The following NEXMIF variants were observed in gnomAD, a reference collection of about 807,000 sequenced individuals.
NEXMIF encodes neurite extension and migration factor, also known as XLMR protein related to neurite extension.
In NEXMIF, 8 loss-of-function variants were observed where a neutral mutation model predicts 62.1. That is an observed-to-expected ratio of 0.13 (90% CI 0.08 to 0.23). The LOEUF (loss-of-function observed/expected upper bound fraction) is 0.23, where lower values mean the gene tolerates loss of function less well. Among genes scored for constraint, NEXMIF ranks in the 10% least tolerant of loss-of-function variants. NEXMIF has a pLI of 1.00. For missense variants in NEXMIF, 976 were observed against 1,113.3 expected, an observed-to-expected ratio of 0.88 and a Z score of 1.75; for synonymous variants, 404 against 416.6, an observed-to-expected ratio of 0.97 and a Z score of 0.37.
chrX:74,747,097 T>G (rs982506054), intron 1 of NEXMIF, among the ~76,000 whole-genome samples: 1 of 112,015 alleles, frequency 8.9e-6, no homozygotes, highest in Non-Finnish European at 1.9e-5. Flanking sequence ...GGAATCATAT[T>G]GCCATCATGG....
intron 1 of NEXMIF, among the ~76,000 whole-genome samples, chrX:74,818,132 T>C (rs2080382104): frequency 9.1e-6 from 1 of 110,270 alleles, no homozygotes; most frequent in East Asian, 2.8e-4. Context: ...AAAAAACTTA[T>C]AAAATTCAGA....
In NEXMIF at chrX:74,919,815, C is replaced by T. The variant is rs192192164; in HGVS notation, c.-48+5068G>A. ...AACAGTCCCCAGAGTGTGATGTTCCCCTTCCTGTGTCCATGTGTTCTCATT... is the reference window on the plus strand; with the variant it reads ...AACAGTCCCCAGAGTGTGATGTTCCTCTTCCTGTGTCCATGTGTTCTCATT... On this transcript the variant is annotated intron_variant, in intron 1 of 3. Coordinates refer to ENST00000055682, the MANE Select transcript of NEXMIF (RefSeq NM_001008537.3). Among the ~76,000 whole-genome samples the T allele has an allele frequency of 5.9e-3, 650 of 110,548 alleles. 3 individuals are homozygous for T. Among genetic ancestry groups the T allele is most frequent in the African/African-American group, 0.021 (623 of 30,347 alleles).
intron 1 of NEXMIF, among the ~76,000 whole-genome samples, chrX:74,773,782 G>A (rs1336024802): frequency 1.9e-5 from 2 of 107,023 alleles, no homozygotes; most frequent in African/African-American, 6.8e-5. Flanking sequence ...AGTGGCGGGC[G>A]CCTGTAATTC....
Position 74,816,952 on chromosome X carries a change from A to G in NEXMIF, c.-47-71255T>C, listed in dbSNP as rs756690213. ...CTTACATAGATTTCTTACACAATGC[A>G]TTTCAATACACTTGAAAGTCCAATT... is the stretch of plus-strand genomic sequence containing the variant. On this transcript the variant is annotated intron_variant, in intron 1 of 3. Transcript: ENST00000055682. Among the ~76,000 whole-genome samples the G allele has an allele frequency of 5.3e-5, 6 of 112,332 alleles. No homozygotes were observed. The South Asian group carries it at 2.2e-3, about 42-fold the overall frequency.
intron 1 of NEXMIF, among the ~76,000 whole-genome samples, chrX:74,759,959 G>C (rs1353753207): frequency 9.0e-6 from 1 of 111,543 alleles, no homozygotes; most frequent in Admixed American, 9.6e-5. Context: ...GAATATCATT[G>C]AATCTATAAA....
intron 1 of NEXMIF, among the ~76,000 whole-genome samples, chrX:74,875,456 T>G (rs892761313): frequency 1.1e-4 from 12 of 111,938 alleles, no homozygotes; most frequent in Non-Finnish European, 2.1e-4. Context: ...TAAAATTCTC[T>G]TTTTTGGTTG....
intron 1 of NEXMIF, among the ~76,000 whole-genome samples, chrX:74,821,130 G>A (rs773200366): frequency 1.8e-5 from 2 of 110,904 alleles, no homozygotes; most frequent in East Asian, 5.7e-4. Context: ...TACTTTAGTA[G>A]AAAACAACTG....
chrX:74,809,829 C>T (rs982803637), intron 1 of NEXMIF, among the ~76,000 whole-genome samples: 13 of 111,693 alleles, frequency 1.2e-4, no homozygotes, highest in African/African-American at 3.9e-4. Flanking sequence ...ATGTTTAGCA[C>T]ACAGTAGATA....
chrX:74,797,334 G>A (rs939876962), intron 1 of NEXMIF, among the ~76,000 whole-genome samples: 2 of 111,879 alleles, frequency 1.8e-5, no homozygotes, highest in East Asian at 2.8e-4. Flanking sequence ...TTAGTTAATA[G>A]TAATATACCA....
chrX:74,754,137 T>G (rs2080152214), intron 1 of NEXMIF, among the ~76,000 whole-genome samples: 1 of 108,774 alleles, frequency 9.2e-6, no homozygotes, highest in Non-Finnish European at 1.9e-5. Context: ...CATTTTTGTA[T>G]TTTTAGTAGA....
Position 74,744,385 on chromosome X carries a change from G to C in NEXMIF, c.172C>G (p.Leu58Val). ...QPTPVAQKET[L>V]MYPRGLLPLP... ...GGCAGGAGACCTCTGGGATACATCA[G>C]GGTCTCTTTTTGTGCCACCGGTGTA... The change falls in exon 3 of 4, where the codon CTG (leucine) becomes GTG (valine). Residue 58 changes from leucine to valine, a missense_variant. Physicochemically the swap from Leu to Val is conservative, Grantham distance 32. Transcript: ENST00000055682. 1 of 1,209,530 alleles carries C rather than the reference G, an allele frequency of 8.3e-7. No homozygotes were observed. The highest frequency in any genetic ancestry group is 1.1e-6 in the Non-Finnish European group (1 of 893,791).
At chrX:74,806,919 C>G (rs1317744029) in intron 1 of NEXMIF, among the ~76,000 whole-genome samples, 1 of 112,655 alleles carries the variant, frequency 8.9e-6, no homozygotes, top group Non-Finnish European at 1.9e-5. Flanking sequence ...TGTCTGTTGC[C>G]AATTCCACAA....
In NEXMIF at chrX:74,761,264, A is replaced by G. The variant is rs182975746; in HGVS notation, c.-47-15567T>C. The stretch of plus-strand genomic sequence containing the variant: ...GTTAGAGAGGTGTCTCTCCCCCTCA[A>G]TTTTTTGGAATAGTTTTGGTAGGAA... On this transcript the variant is annotated intron_variant, in intron 1 of 3. Transcript: ENST00000055682. Among the ~76,000 whole-genome samples the G allele has an allele frequency of 4.5e-5, 5 of 111,270 alleles. No individual in the cohort carries two copies. In the East Asian group the frequency reaches 1.4e-3, roughly 32 times the overall value.
At chrX:74,901,886 G>T (rs1478589349) in intron 1 of NEXMIF, among the ~76,000 whole-genome samples, 1 of 111,240 alleles carries the variant, frequency 9.0e-6, no homozygotes, top group African/African-American at 3.3e-5. Flanking sequence ...CACCATATGT[G>T]CCTTTAATAT....
rs1434067867 is a variant in NEXMIF, at chrX:74,743,018, A to G, written c.1539T>C (p.Val513=). 8.3e-7 allele frequency: 1 copy of G among 1,211,355 alleles called. No individual in the cohort carries two copies. ...KVNERKEWLP[V]GSKEEDDDEW... ...CATCATCATCTTCCTCTTTGGAACC[A>G]ACTGGCAGCCATTCCTTCCTCTCAT... The change falls in exon 3 of 4, where the codon GTT becomes GTC. Residue 513 remains valine (V), a synonymous_variant. Coordinates refer to ENST00000055682, the MANE Select transcript of NEXMIF (RefSeq NM_001008537.3).
intron 1 of NEXMIF, among the ~76,000 whole-genome samples, chrX:74,860,956 A>C (rs1482349905): frequency 8.9e-6 from 1 of 111,981 alleles, no homozygotes; most frequent in African/African-American, 3.2e-5. Context: ...CAACAAAACC[A>C]AAACCTGGCT....
intron 1 of NEXMIF, among the ~76,000 whole-genome samples, chrX:74,861,306 C>T (rs1403686110): frequency 9.0e-6 from 1 of 111,509 alleles, no homozygotes. Flanking sequence ...AACAGAATAA[C>T]AAGGAATGAA....
intron 1 of NEXMIF, among the ~76,000 whole-genome samples, chrX:74,882,902 G>C (rs1454403004): frequency 9.0e-6 from 1 of 111,615 alleles, no homozygotes; most frequent in Non-Finnish European, 1.9e-5. Context: ...CCCCTAGTAG[G>C]GGTGGACTGA....
intron 1 of NEXMIF, among the ~76,000 whole-genome samples, chrX:74,909,100 C>T (rs1460977989): frequency 1.8e-5 from 2 of 111,385 alleles, no homozygotes; most frequent in Non-Finnish European, 3.8e-5. Context: ...TTGGTACCAG[C>T]AGAGTGGGGC....
Sources: gnomAD v4.1 joint callset for allele counts (sites outside exome capture counted in the v4.1 genomes callset) on GRCh38, gnomAD v4.1.1 for gene constraint, MANE v1.5 for transcripts, NCBI Gene and HGNC (gene_info 2026-07-23, HGNC 2026-07-21) for gene names.